Variants in EPB41L5 observed in about 807,000 individuals in gnomAD.
The protein encoded by EPB41L5 is erythrocyte membrane protein band 4.1 like 5.
EPB41L5 carries 55 observed loss-of-function variants against 106.6 expected under a neutral mutation model. The ratio of observed to expected loss-of-function variants is 0.52; its 90% CI spans 0.42 to 0.65. The LOEUF is 0.65. Among genes scored for constraint, EPB41L5 ranks in the 30% least tolerant of loss-of-function variants. The pLI, the probability that EPB41L5 is intolerant of heterozygous loss-of-function variation, is 0.00. For synonymous variants in EPB41L5, 297 were observed against 306.7 expected (o/e 0.97, Z 0.33); for missense variants, 871 against 882.1 (o/e 0.99, Z 0.16).
rs61031559 is a variant in EPB41L5 at position 120,117,206 on chromosome 2, T to A, written c.1338-10482T>A. 4.1e-3 allele frequency among the ~76,000 whole-genome samples: 617 copies of A among 152,266 alleles called. 2 individuals carry two copies. Among genetic ancestry groups the A allele is most frequent in the African/African-American group, 0.014 (576 of 41,538 alleles). ...TCCCAAGTGAGTTGCCAGGGTTCAT[T>A]GCCTTCCCCAATGCCTTATTCCTAT... On this transcript the variant is annotated intron_variant, in intron 16 of 24. Coordinates refer to ENST00000263713, the MANE Select transcript of EPB41L5 (RefSeq NM_020909.4).
At chr2:120,164,959 A>G in intron 22 of EPB41L5, 49 bp downstream of exon 22, 1 of 1,372,672 alleles carries the variant, frequency 7.3e-7, no homozygotes, top group East Asian at 2.4e-5. Flanking sequence ...CTGTTTTGAA[A>G]AATGTTCCTG....
chr2:120,046,292 A>G (rs974360449), intron 3 of EPB41L5, among the ~76,000 whole-genome samples: 7 of 152,108 alleles, frequency 4.6e-5, no homozygotes, highest in African/African-American at 7.2e-5. Flanking sequence ...AATTGTTCCT[A>G]TGTCTCCACT....
intron 3 of EPB41L5, among the ~76,000 whole-genome samples, chr2:120,072,011 G>A (rs1480589304): frequency 6.6e-6 from 1 of 151,398 alleles, no homozygotes; most frequent in Non-Finnish European, 1.5e-5. Context: ...AATGTACAAT[G>A]TACAGAAAAT....
intron 16 of EPB41L5, chr2:120,105,721 C>G: frequency 4.1e-6 from 4 of 985,330 alleles, no homozygotes; most frequent in Non-Finnish European, 4.8e-6. Flanking sequence ...CATCGTTTAG[C>G]AAGCTTAAAA....
chr2:120,144,226 G>C (rs1390263814), intron 19 of EPB41L5, among the ~76,000 whole-genome samples: 2 of 152,186 alleles, frequency 1.3e-5, no homozygotes, highest in Non-Finnish European at 2.9e-5. Flanking sequence ...TTATAAAAGA[G>C]CCTGGAGGGA....
In EPB41L5 at chr2:120,023,034, T is replaced by C. The variant is rs1451265465; in HGVS notation, c.180+3770T>C. ...CCCACTTTTTGATGGGGTTGTTTGT[T>C]TTTTTCTTGTAAATTTGTTTAAGTT... On this transcript the variant is annotated intron_variant, in intron 2 of 24. Transcript: ENST00000263713. 2.0e-5 allele frequency among the ~76,000 whole-genome samples: 3 copies of C among 152,326 alleles called. No homozygotes were observed. In the South Asian group the frequency reaches 6.2e-4, roughly 32 times the overall value.
At chr2:120,086,060 G>T (rs1338679219) in intron 10 of EPB41L5, among the ~76,000 whole-genome samples, 1 of 152,126 alleles carries the variant, frequency 6.6e-6, no homozygotes, top group African/African-American at 2.4e-5. Flanking sequence ...GCCAGGCATA[G>T]CATGGTGGCA....
chr2:120,052,774 T>A (rs1486822686), intron 3 of EPB41L5, among the ~76,000 whole-genome samples: 1 of 152,232 alleles, frequency 6.6e-6, no homozygotes, highest in Non-Finnish European at 1.5e-5. Context: ...CCAATGAGTC[T>A]TGTGACCAGA....
At chr2:120,013,264 C>G (rs577591382) in intron 1 of EPB41L5, 54 bp downstream of exon 1, 1 of 152,268 alleles carries the variant, frequency 6.6e-6, no homozygotes, top group East Asian at 1.9e-4. Flanking sequence ...CGCTCCTAGC[C>G]GAGTGGACCC....
intron 10 of EPB41L5, among the ~76,000 whole-genome samples, chr2:120,079,708 C>T (rs557983137): frequency 6.6e-6 from 1 of 152,186 alleles, no homozygotes; most frequent in Non-Finnish European, 1.5e-5. Flanking sequence ...GAGTTCTTGG[C>T]TTCCCCATCT....
At chr2:120,146,424 A>G (rs1650208346) in intron 20 of EPB41L5, 135 bp downstream of exon 20, 1 of 587,360 alleles carries the variant, frequency 1.7e-6, no homozygotes, top group African/African-American at 1.9e-5. Context: ...TGTATCCATT[A>G]CAGACCACTT....
intron 2 of EPB41L5, among the ~76,000 whole-genome samples, chr2:120,027,631 T>G (rs1678421006): frequency 6.6e-6 from 1 of 152,134 alleles, no homozygotes; most frequent in Non-Finnish European, 1.5e-5. Context: ...ATTTGAACTC[T>G]TAGGCTCAAG....
rs571025437 is a variant in EPB41L5, at chr2:120,028,143, C to T, written c.180+8879C>T. ...CCTCCCAAAGTGCTGGGATTACAGGCGTGAGCCACCGCGCCCGGCCGGAAG... is the reference window on the plus strand; with the variant it reads ...CCTCCCAAAGTGCTGGGATTACAGGTGTGAGCCACCGCGCCCGGCCGGAAG... On this transcript the variant is annotated intron_variant, in intron 2 of 24. Transcript: ENST00000263713. 7.6e-3 allele frequency among the ~76,000 whole-genome samples: 1,160 copies of T among 152,076 alleles called. 14 individuals carry two copies. The highest frequency in any genetic ancestry group is 0.013 in the Non-Finnish European group (874 of 67,982).
intron 23 of EPB41L5, 30 bp downstream of exon 23, chr2:120,167,537 C>A: frequency 6.2e-7 from 1 of 1,610,082 alleles, no homozygotes; most frequent in Non-Finnish European, 8.5e-7. Context: ...GATTTTTCTT[C>A]TGGCTACCCT....
intron 10 of EPB41L5, among the ~76,000 whole-genome samples, chr2:120,080,245 C>T (rs947563369): frequency 6.6e-6 from 1 of 151,946 alleles, no homozygotes; most frequent in African/African-American, 2.4e-5. Context: ...TCTCCTAATG[C>T]TATCCCTCCC....
chr2:120,074,510 T>C (rs2105321648), intron 5 of EPB41L5: 1 of 179,246 alleles, frequency 5.6e-6, no homozygotes, highest in East Asian at 1.5e-4. Context: ...TTGAAAATAA[T>C]CTATCTTTGG....
At position 120,107,194 on chromosome 2, in the gene EPB41L5, G is replaced by A. The variant is rs182283474; in HGVS notation, c.1337+6380G>A. 1.1e-4 allele frequency among the ~76,000 whole-genome samples: 16 copies of A among 152,120 alleles called. No individual in the cohort carries two copies. In the East Asian group the frequency reaches 3.1e-3, roughly 29 times the overall value. ...TGGTTGTCCCCTATTAGTTCATCGTGCCCCAGTGGTGGGAGCTATAGTTGT... is the reference window on the plus strand; with the variant it reads ...TGGTTGTCCCCTATTAGTTCATCGTACCCCAGTGGTGGGAGCTATAGTTGT... On this transcript the variant is annotated intron_variant, in intron 16 of 24. Coordinates refer to ENST00000263713, the MANE Select transcript of EPB41L5 (RefSeq NM_020909.4).
intron 22 of EPB41L5, among the ~76,000 whole-genome samples, chr2:120,165,416 C>G (rs566623452): frequency 6.6e-6 from 1 of 152,070 alleles, no homozygotes; most frequent in East Asian, 1.9e-4. Context: ...CTACACATAT[C>G]CTCTAGTATA....
chr2:120,117,029 T>A (rs1236940225), intron 16 of EPB41L5, among the ~76,000 whole-genome samples: 1 of 152,204 alleles, frequency 6.6e-6, no homozygotes, highest in Non-Finnish European at 1.5e-5. Flanking sequence ...CCCTTAATTT[T>A]AAAAATTTAT....
Sources: gnomAD v4.1 joint callset for allele counts (sites outside exome capture counted in the v4.1 genomes callset) on GRCh38, gnomAD v4.1.1 for gene constraint, MANE v1.5 for transcripts, NCBI Gene and HGNC (gene_info 2026-07-23, HGNC 2026-07-21) for gene names.